The following LUZP2 variants were observed in gnomAD, a reference collection of about 807,000 sequenced individuals.
LUZP2 encodes leucine zipper protein 2.
Under a neutral mutation model 51.6 loss-of-function variants are expected in LUZP2, and 52 were observed. That is an observed-to-expected ratio of 1.01 (90% CI 0.81 to 1.27). The LOEUF (loss-of-function observed/expected upper bound fraction) is 1.27, where lower values mean the gene tolerates loss of function less well. Ranked by LOEUF, LUZP2 falls within the 50% of genes most tolerant of loss-of-function variation. The pLI is 0.00. For synonymous variants in LUZP2, 154 were observed against 137.3 expected, an observed-to-expected ratio of 1.12 and a Z score of -0.85; for missense variants, 436 against 395.4, an observed-to-expected ratio of 1.10 and a Z score of -0.87.
At chr11:24,627,064 T>C (rs367644186) in intron 1 of LUZP2, among the ~76,000 whole-genome samples, 4 of 152,196 alleles carry the variant, frequency 2.6e-5, no homozygotes, top group African/African-American at 9.6e-5. Context: ...ATAAACACTT[T>C]TGATTGAGTA....
At chr11:24,752,970 C>T (rs1859648522) in intron 4 of LUZP2, among the ~76,000 whole-genome samples, 1 of 151,620 alleles carries the variant, frequency 6.6e-6, no homozygotes. Context: ...TAGGAAAATA[C>T]AGACAAAAGA....
chr11:25,069,234 T>A (rs1859084151), intron 10 of LUZP2, among the ~76,000 whole-genome samples: 1 of 151,900 alleles, frequency 6.6e-6, no homozygotes, highest in African/African-American at 2.4e-5. Flanking sequence ...CTTTGAACGA[T>A]CCCAAATTTG....
At chr11:24,991,392 G>GTATATATATATA (rs770909829) in intron 9 of LUZP2, among the ~76,000 whole-genome samples, 3,017 of 103,690 alleles carry the variant, frequency 0.029, 62 homozygotes, top group Non-Finnish European at 0.045. Context: ...GTGTGTGTGT[G>GTATATATATATA]TGTGTATATA....
At position 24,768,534 on chromosome 11, in the gene LUZP2, T is replaced by C. The variant is rs370995781; in HGVS notation, c.396+5226T>C. ...ATGCTCAAGGGGTTAATATTTAAAATATGTAAGAAACTCAAGCAATTAAGT... is the reference window on the plus strand; with the variant it reads ...ATGCTCAAGGGGTTAATATTTAAAACATGTAAGAAACTCAAGCAATTAAGT... On this transcript the variant is annotated intron_variant, in intron 5 of 11. Transcript: ENST00000336930. 9.2e-5 allele frequency among the ~76,000 whole-genome samples: 14 copies of C among 152,324 alleles called. No homozygotes were observed. The South Asian group carries it at 1.4e-3, about 16-fold the overall frequency.
intron 9 of LUZP2, among the ~76,000 whole-genome samples, chr11:24,986,571 C>T (rs567711939): frequency 8.8e-6 from 1 of 113,060 alleles, no homozygotes; most frequent in Admixed American, 9.3e-5. Flanking sequence ...GTGTGTGTAA[C>T]ATTTAAGATA....
chr11:24,866,980 T>G (rs893530556), intron 5 of LUZP2, among the ~76,000 whole-genome samples: 2 of 152,158 alleles, frequency 1.3e-5, no homozygotes, highest in Non-Finnish European at 2.9e-5. Context: ...CATTCCAGTC[T>G]TAAAAGCTGT....
intron 1 of LUZP2, among the ~76,000 whole-genome samples, chr11:24,693,099 T>C (rs966985473): frequency 3.9e-5 from 6 of 151,976 alleles, no homozygotes; most frequent in African/African-American, 1.4e-4. Context: ...TTCACAGTCT[T>C]GGCTTTCTCT....
chr11:24,977,021 A>T (rs952324768), intron 8 of LUZP2, among the ~76,000 whole-genome samples: 1 of 151,844 alleles, frequency 6.6e-6, no homozygotes, highest in East Asian at 1.9e-4. Context: ...AGCAAAAGGA[A>T]GTAATTATTG....
At chr11:24,941,058 G>C (rs1018863889) in intron 7 of LUZP2, among the ~76,000 whole-genome samples, 1 of 152,140 alleles carries the variant, frequency 6.6e-6, no homozygotes, top group Non-Finnish European at 1.5e-5. Context: ...GAGATTTACT[G>C]TTGCGTTTAG....
intron 9 of LUZP2, among the ~76,000 whole-genome samples, chr11:25,004,033 C>T (rs889475765): frequency 1.3e-5 from 2 of 152,112 alleles, no homozygotes; most frequent in Admixed American, 6.6e-5. Flanking sequence ...ACTGAGAAGG[C>T]CATACCAGTG....
Position 25,081,388 on chromosome 11 carries a change from T to G in LUZP2, c.*2730T>G, listed in dbSNP as rs1565322909. 6.6e-6 allele frequency: 1 copy of G among 151,880 alleles called. No individual in the cohort carries two copies. Among genetic ancestry groups the G allele is most frequent in the Non-Finnish European group, 1.5e-5 (1 of 67,968 alleles). 9.4% of individuals were successfully genotyped at this position (151,880 alleles called of 1,614,324 possible). A position where few individuals can be genotyped will look rare whatever the true frequency, so the allele number is the denominator to read the frequency against. Reference sequence around the variant, plus strand: ...ATGGCATTATACATCCAGCAAAGTTTACTGTGTTATACTCATTGCATCATT... The same window carrying G: ...ATGGCATTATACATCCAGCAAAGTTGACTGTGTTATACTCATTGCATCATT... On this transcript the variant is annotated 3_prime_UTR_variant, in exon 12 of 12. Transcript: ENST00000336930.
intron 1 of LUZP2, among the ~76,000 whole-genome samples, chr11:24,689,217 C>A (rs1245222407): frequency 1.3e-5 from 2 of 152,164 alleles, no homozygotes; most frequent in African/African-American, 4.8e-5. Flanking sequence ...GGCATGGTTC[C>A]AAGGTTTGCA....
chr11:24,864,033 T>C (rs1235581133), intron 5 of LUZP2, among the ~76,000 whole-genome samples: 1 of 152,160 alleles, frequency 6.6e-6, no homozygotes, highest in African/African-American at 2.4e-5. Flanking sequence ...TAGAGGGTGC[T>C]GAAGTAAGAA....
chr11:24,636,877 T>G (rs546647481), intron 1 of LUZP2, among the ~76,000 whole-genome samples: 14 of 149,394 alleles, frequency 9.4e-5, no homozygotes, highest in Non-Finnish European at 2.1e-4. Flanking sequence ...CAAACAGACA[T>G]GAAATTCCAA....
In LUZP2 at chr11:24,645,869, TTAAAA is replaced by T. The variant is rs1855446402; in HGVS notation, c.63-83293_63-83289del. On this transcript the variant is annotated intron_variant, in intron 1 of 11. Transcript: ENST00000336930. ...TGTGTGTGTGTGTGTGTGTGTATCC[TTAAAA>T]TAAAATGTACATAAAATCTCATTAG... Among the ~76,000 whole-genome samples the T allele has an allele frequency of 2.6e-5, 4 of 151,244 alleles. No individual in the cohort carries two copies. The South Asian group carries it at 8.3e-4, about 31-fold the overall frequency.
intron 1 of LUZP2, among the ~76,000 whole-genome samples, chr11:24,525,699 A>G (rs1397968048): frequency 6.6e-6 from 1 of 151,350 alleles, no homozygotes; most frequent in Non-Finnish European, 1.5e-5. Context: ...ATTCTCTAAT[A>G]TGTTCTCTCT....
At chr11:24,940,570 T>C (rs927934515) in intron 7 of LUZP2, among the ~76,000 whole-genome samples, 8 of 152,222 alleles carry the variant, frequency 5.3e-5, no homozygotes, top group Non-Finnish European at 1.0e-4. Context: ...AAATTAATGA[T>C]AGCTTCTATG....
intron 1 of LUZP2, among the ~76,000 whole-genome samples, chr11:24,633,571 C>A (rs1051224792): frequency 6.6e-6 from 1 of 151,868 alleles, no homozygotes; most frequent in Non-Finnish European, 1.5e-5. Flanking sequence ...CAAAGAAATT[C>A]TTGAAGGTAT....
intron 1 of LUZP2, among the ~76,000 whole-genome samples, chr11:24,660,512 T>C (rs1227109830): frequency 1.3e-5 from 2 of 152,158 alleles, no homozygotes; most frequent in Admixed American, 1.3e-4. Context: ...AATAATGATA[T>C]AATTTTTCTC....
Sources: allele counts gnomAD v4.1 joint callset (sites outside exome capture counted in the v4.1 genomes callset), GRCh38; gene constraint gnomAD v4.1.1; transcripts MANE v1.5; gene names NCBI Gene and HGNC (gene_info 2026-07-23, HGNC 2026-07-21).